Variants in RBPMS observed in about 807,000 individuals in gnomAD.
The protein encoded by RBPMS is RNA-binding protein with multiple splicing.
A neutral mutation model predicts 26.8 loss-of-function variants in RBPMS; 7 were observed. The ratio of observed to expected loss-of-function variants is 0.26; its 90% CI spans 0.15 to 0.49. The LOEUF (loss-of-function observed/expected upper bound fraction) is 0.49, where lower values mean the gene tolerates loss of function less well. RBPMS is among the 20% of genes least tolerant of loss of function. The pLI, the probability that RBPMS is intolerant of heterozygous loss-of-function variation, is 0.98. For synonymous variants in RBPMS, 96 were observed against 93.3 expected (o/e 1.03, Z -0.17); for missense variants, 186 against 250.0 (o/e 0.74, Z 1.73).
chr8:30,416,113 G>A (rs1810040300), intron 1 of RBPMS, among the ~76,000 whole-genome samples: 1 of 152,126 alleles, frequency 6.6e-6, no homozygotes, highest in Non-Finnish European at 1.5e-5. Flanking sequence ...ATACCCTAGC[G>A]ATGTTCCCTG....
chr8:30,447,302 C>T lies in RBPMS; in HGVS notation c.67-27477C>T, dbSNP rs186137431. On this transcript the variant is annotated intron_variant, in intron 1 of 8. Transcript: ENST00000397323. ...GCCCAAGCATTTCAGTTAAAGGGTA[C>T]TCAACCTGTACAGTATTAACTAGCA... 8.4e-4 allele frequency among the ~76,000 whole-genome samples: 128 copies of T among 152,294 alleles called. 1 individual carries two copies. The highest frequency in any genetic ancestry group is 1.8e-3 in the Admixed American group (28 of 15,300).
At chr8:30,533,995 G>A (rs777009687) in intron 5 of RBPMS, among the ~76,000 whole-genome samples, 23 of 152,098 alleles carry the variant, frequency 1.5e-4, no homozygotes, top group Non-Finnish European at 3.1e-4. Flanking sequence ...TTAGCTGGGT[G>A]TGGTGGTGGG....
chr8:30,498,646 A>G (rs1241316158), intron 4 of RBPMS, among the ~76,000 whole-genome samples: 2 of 152,244 alleles, frequency 1.3e-5, no homozygotes, highest in Non-Finnish European at 2.9e-5. Context: ...AACTGTAAAT[A>G]AATATAAGTT....
intron 4 of RBPMS, among the ~76,000 whole-genome samples, chr8:30,496,859 T>C (rs17627965): frequency 0.19 from 29,461 of 152,146 alleles, 3,231 homozygotes; most frequent in South Asian, 0.39. Context: ...TGGCCTGTCA[T>C]GGAGTCATTT....
At chr8:30,526,382 TTA>T (rs1471958697) in intron 5 of RBPMS, among the ~76,000 whole-genome samples, 1 of 138,810 alleles carries the variant, frequency 7.2e-6, no homozygotes, top group Non-Finnish European at 1.6e-5. Flanking sequence ...CAAATGTAGG[TTA>T]ATTGCTCTAC....
At chr8:30,468,946 A>C (rs953692078) in intron 1 of RBPMS, among the ~76,000 whole-genome samples, 9 of 152,230 alleles carry the variant, frequency 5.9e-5, no homozygotes, top group Non-Finnish European at 1.3e-4. Flanking sequence ...ATTAGAAGAT[A>C]GTTATCCTTC....
rs1563271671 is a variant in RBPMS at position 30,384,765 on chromosome 8, C to G, written c.-328C>G. The G allele has an allele frequency of 1.2e-5, 3 of 241,584 alleles. No individual in the cohort carries two copies. Among genetic ancestry groups the G allele is most frequent in the Non-Finnish European group, 2.4e-5 (3 of 125,888 alleles). The allele number at this position is 241,584 out of a possible 1,614,324, so 15.0% of individuals were successfully genotyped here. A position where few individuals can be genotyped will look rare whatever the true frequency, so the allele number is the denominator to read the frequency against. ...CCTTTGCTTCCTTCCTTCCTTCCTTCTTCCTTCCTCCCCTGGCTCCCGCCC... is the reference window on the plus strand; with the variant it reads ...CCTTTGCTTCCTTCCTTCCTTCCTTGTTCCTTCCTCCCCTGGCTCCCGCCC... On this transcript the variant is annotated 5_prime_UTR_variant, in exon 1 of 9. Transcript: ENST00000397323. This position sits in a 1 kb window ranked among gnomAD's most constrained non-coding sequence, Gnocchi z 5.6.
chr8:30,451,783 A>G (rs763023225), intron 1 of RBPMS, among the ~76,000 whole-genome samples: 3 of 152,202 alleles, frequency 2.0e-5, no homozygotes, highest in Admixed American at 1.3e-4. Flanking sequence ...TTTTTTAAAT[A>G]TCAAATTGTA....
intron 3 of RBPMS, among the ~76,000 whole-genome samples, chr8:30,478,999 T>C (rs1817996623): frequency 6.6e-6 from 1 of 152,226 alleles, no homozygotes; most frequent in East Asian, 1.9e-4. Flanking sequence ...TTTAGGAAAG[T>C]AGAGCCTCTC....
chr8:30,532,761 G>A (rs1563419060), intron 5 of RBPMS, among the ~76,000 whole-genome samples: 1 of 152,074 alleles, frequency 6.6e-6, no homozygotes, highest in Non-Finnish European at 1.5e-5. Context: ...AGAGTTCCCA[G>A]GTCTTCGGAC....
rs532445912 is a variant in RBPMS at position 30,474,854 on chromosome 8, A to C, written c.142A>C (p.Lys48Gln). Reference protein sequence around the residue: ...RELYLLFRPFKGYEGSLIKLT... With the variant: ...RELYLLFRPFQGYEGSLIKLT... The stretch of plus-strand genomic sequence containing the variant: ...GCTCTATCTGCTTTTCAGACCATTT[A>C]AGGTACCTTTTTTTATCTTTCAGAA... The change falls in exon 2 of 9, where the codon AAG becomes CAG. Residue 48 changes from lysine (K) to glutamine (Q), a missense_variant and splice_region_variant. Physicochemically the swap from Lys to Gln is moderately conservative, Grantham distance 53. Coordinates refer to ENST00000397323, the MANE Select transcript of RBPMS (RefSeq NM_001008710.3). 1.3e-6 allele frequency: 2 copies of C among 1,594,136 alleles called. No individual in the cohort carries two copies. The highest frequency in any genetic ancestry group is 2.2e-5 in the South Asian group (2 of 90,296).
chr8:30,567,396 C>G (rs1827972459), intron 8 of RBPMS, among the ~76,000 whole-genome samples: 2 of 152,196 alleles, frequency 1.3e-5, no homozygotes. Flanking sequence ...GGCATTTTTC[C>G]CAGGGTGCCT....
At chr8:30,553,623 G>A (rs1826581783) in intron 6 of RBPMS, 1 of 152,254 alleles carries the variant, frequency 6.6e-6, no homozygotes, top group African/African-American at 2.4e-5. Flanking sequence ...TCAGTGTTGG[G>A]AACGAGCCCC....
chr8:30,545,781 C>T (rs917486044), intron 6 of RBPMS, among the ~76,000 whole-genome samples: 1 of 152,100 alleles, frequency 6.6e-6, no homozygotes, highest in Non-Finnish European at 1.5e-5. Flanking sequence ...ACACGTTGTG[C>T]GTGCATTGAT....
At chr8:30,504,512 T>G (rs1359658254) in intron 5 of RBPMS, 76 bp downstream of exon 5, 1 of 1,442,642 alleles carries the variant, frequency 6.9e-7, no homozygotes, top group Admixed American at 1.8e-5. Context: ...GGTTACACCA[T>G]GGGACATGGA....
At chr8:30,468,791 A>G (rs948049037) in intron 1 of RBPMS, among the ~76,000 whole-genome samples, 2 of 152,236 alleles carry the variant, frequency 1.3e-5, no homozygotes, top group Non-Finnish European at 2.9e-5. Flanking sequence ...ATTCAAACAT[A>G]CAGCACATTT....
At position 30,385,172 on chromosome 8, in the gene RBPMS, C is replaced by A; in HGVS notation, c.66+14C>A. On this transcript the variant is annotated intron_variant, in intron 1 of 8. Coordinates refer to ENST00000397323, the MANE Select transcript of RBPMS (RefSeq NM_001008710.3). The stretch of plus-strand genomic sequence containing the variant: ...CAGGAGGAGGAGGTACTGGGCGGCT[C>A]GGTGTGGTGGCGGGGGCGACGCGGG... The A allele has an allele frequency of 6.8e-7, 1 of 1,479,740 alleles. No individual in the cohort carries two copies. The allele number at this position is 1,479,740 out of a possible 1,614,324, so 91.7% of individuals were successfully genotyped here.
At chr8:30,419,240 G>A (rs1457979809) in intron 1 of RBPMS, among the ~76,000 whole-genome samples, 1 of 152,168 alleles carries the variant, frequency 6.6e-6, no homozygotes, top group African/African-American at 2.4e-5. Flanking sequence ...GAGGTTGGGT[G>A]TTCAAGACCA....
intron 1 of RBPMS, among the ~76,000 whole-genome samples, chr8:30,388,391 TCTTATAG>T (rs1807356876): frequency 6.6e-6 from 1 of 151,070 alleles, no homozygotes; most frequent in Non-Finnish European, 1.5e-5. Context: ...ACCTTTTCTG[TCTTATAG>T]CTTATAACTT....
Sources: allele counts gnomAD v4.1 joint callset (sites outside exome capture counted in the v4.1 genomes callset), GRCh38; gene constraint gnomAD v4.1.1; non-coding constraint Gnocchi (gnomAD v3.1); transcripts MANE v1.5; gene names NCBI Gene and HGNC (gene_info 2026-07-23, HGNC 2026-07-21).